NKAIN2: variants seen among roughly 807,000 people sequenced by gnomAD.
The protein encoded by NKAIN2 is sodium/potassium-transporting ATPase subunit beta-1-interacting protein 2.
In NKAIN2, 14 loss-of-function variants were observed where a neutral mutation model predicts 32.6. The observed-to-expected ratio is 0.43, with a 90% CI of 0.28 to 0.67. NKAIN2 has a LOEUF of 0.67. Ranked by LOEUF, NKAIN2 falls within the 30% of genes least tolerant of loss-of-function variation. The pLI is 0.17. For synonymous variants in NKAIN2, 80 were observed against 87.2 expected (o/e 0.92, Z 0.46); for missense variants, 198 against 258.3 (o/e 0.77, Z 1.60).
At chr6:123,935,022 A>G (rs1233575387) in intron 1 of NKAIN2, among the ~76,000 whole-genome samples, 1 of 148,602 alleles carries the variant, frequency 6.7e-6, no homozygotes, top group African/African-American at 2.4e-5. Flanking sequence ...CTTAATTTGG[A>G]GCCAGAAAGA....
chr6:123,812,384 G>T (rs1055412981), intron 1 of NKAIN2, among the ~76,000 whole-genome samples: 1 of 152,148 alleles, frequency 6.6e-6, no homozygotes, highest in African/African-American at 2.4e-5. Flanking sequence ...AGATATTTAA[G>T]AATATAGAAT....
rs142610872 is a variant in NKAIN2, at chr6:124,680,520, A to C, written c.474+22134A>C. ...ACCTAGGAACTGGCATAAATGTCAG[A>C]GTTCCTACATACAGGAACCAAAGTC... On this transcript the variant is annotated intron_variant, in intron 4 of 6. Coordinates refer to ENST00000368417, the MANE Select transcript of NKAIN2 (RefSeq NM_001040214.3). 2.4e-3 allele frequency among the ~76,000 whole-genome samples: 370 copies of C among 152,248 alleles called. 3 individuals are homozygous for C. Among genetic ancestry groups the C allele is most frequent in the African/African-American group, 8.3e-3 (345 of 41,576 alleles).
intron 5 of NKAIN2, among the ~76,000 whole-genome samples, chr6:124,803,956 TG>T (rs1323624466): frequency 3.3e-5 from 5 of 152,218 alleles, no homozygotes; most frequent in Non-Finnish European, 7.3e-5. Context: ...ATATGACACC[TG>T]ATTCTCTCAA....
chr6:124,156,710 A>G (rs933110564), intron 1 of NKAIN2, among the ~76,000 whole-genome samples: 15 of 152,132 alleles, frequency 9.9e-5, no homozygotes, highest in Middle Eastern at 3.2e-3. Flanking sequence ...CTCGCTTTAT[A>G]TTTTTAAACA....
At chr6:124,267,712 G>A (rs1199083402) in intron 1 of NKAIN2, among the ~76,000 whole-genome samples, 1 of 152,148 alleles carries the variant, frequency 6.6e-6, no homozygotes, top group Non-Finnish European at 1.5e-5. Context: ...TTTTAAAGCA[G>A]TGATAGATAC....
chr6:124,326,799 T>C (rs763177054), intron 2 of NKAIN2, among the ~76,000 whole-genome samples: 4 of 152,168 alleles, frequency 2.6e-5, no homozygotes, highest in Non-Finnish European at 4.4e-5. Flanking sequence ...TCACATACAA[T>C]ATTTTTGTTT....
chr6:123,834,195 C>T (rs1261286617), intron 1 of NKAIN2, among the ~76,000 whole-genome samples: 1 of 152,122 alleles, frequency 6.6e-6, no homozygotes, highest in Non-Finnish European at 1.5e-5. Flanking sequence ...TGCTCTGTTG[C>T]CCAGGCTGGC....
chr6:124,468,598 G>A (rs1776853015), intron 3 of NKAIN2, among the ~76,000 whole-genome samples: 1 of 152,080 alleles, frequency 6.6e-6, no homozygotes, highest in Admixed American at 6.6e-5. Context: ...CTCATAGGAT[G>A]CACATATATT....
intron 3 of NKAIN2, among the ~76,000 whole-genome samples, chr6:124,414,954 T>C (rs999013620): frequency 2.0e-5 from 3 of 151,022 alleles, no homozygotes; most frequent in Non-Finnish European, 4.4e-5. Flanking sequence ...TAAAAAAGAA[T>C]CATCTTGAGG....
At chr6:124,363,869 C>T (rs1204994226) in intron 3 of NKAIN2, among the ~76,000 whole-genome samples, 1 of 151,740 alleles carries the variant, frequency 6.6e-6, no homozygotes, top group Non-Finnish European at 1.5e-5. Flanking sequence ...ATTACAGATG[C>T]TAAAAGAAAG....
At chr6:123,956,431 C>T (rs1048562892) in intron 1 of NKAIN2, among the ~76,000 whole-genome samples, 12 of 152,110 alleles carry the variant, frequency 7.9e-5, no homozygotes, top group Non-Finnish European at 1.3e-4. Flanking sequence ...GAAACACCAG[C>T]GCACACTCTC....
intron 1 of NKAIN2, among the ~76,000 whole-genome samples, chr6:123,919,800 T>G (rs1476534318): frequency 6.6e-6 from 1 of 152,114 alleles, no homozygotes; most frequent in Non-Finnish European, 1.5e-5. Flanking sequence ...TTCATTTCAA[T>G]GGCAGCCATG....
intron 1 of NKAIN2, among the ~76,000 whole-genome samples, chr6:124,065,959 T>C (rs1783152571): frequency 6.6e-6 from 1 of 152,178 alleles, no homozygotes; most frequent in South Asian, 2.1e-4. Flanking sequence ...TATACATAAC[T>C]GCATTTCTCA....
intron 4 of NKAIN2, among the ~76,000 whole-genome samples, chr6:124,741,375 T>C (rs1777201978): frequency 6.6e-6 from 1 of 151,868 alleles, no homozygotes; most frequent in Non-Finnish European, 1.5e-5. Flanking sequence ...TCAATGAATA[T>C]TCATTTGAAA....
At chr6:124,316,074 A>G (rs1348981055) in intron 2 of NKAIN2, among the ~76,000 whole-genome samples, 2 of 152,118 alleles carry the variant, frequency 1.3e-5, no homozygotes, top group Non-Finnish European at 2.9e-5. Flanking sequence ...GTAGCACAGT[A>G]GGGTGACTAG....
In NKAIN2 at chr6:124,277,968, T is replaced by G. The variant is rs149135205; in HGVS notation, c.55-5037T>G. ...TATAAGTTTTATTTTATATTATTTGTTTCAATATCAGGTTAAGTTTTAAGG... is the reference window on the plus strand; with the variant it reads ...TATAAGTTTTATTTTATATTATTTGGTTCAATATCAGGTTAAGTTTTAAGG... On this transcript the variant is annotated intron_variant, in intron 1 of 6. Coordinates refer to ENST00000368417, the MANE Select transcript of NKAIN2 (RefSeq NM_001040214.3). Among the ~76,000 whole-genome samples, 397 of 152,160 alleles carry G rather than the reference T, an allele frequency of 2.6e-3. 2 individuals carry two copies. Among genetic ancestry groups the G allele is most frequent in the African/African-American group, 9.0e-3 (374 of 41,502 alleles).
At chr6:124,183,404 G>A (rs1789548459) in intron 1 of NKAIN2, among the ~76,000 whole-genome samples, 1 of 152,006 alleles carries the variant, frequency 6.6e-6, no homozygotes, top group Admixed American at 6.6e-5. Context: ...TCAAAATCAT[G>A]ATCAGTCTGT....
chr6:124,780,712 C>T (rs1488933507), intron 4 of NKAIN2, among the ~76,000 whole-genome samples: 1 of 152,172 alleles, frequency 6.6e-6, no homozygotes, highest in African/African-American at 2.4e-5. Context: ...TCATCCCATC[C>T]ATCTGACTCT....
intron 1 of NKAIN2, among the ~76,000 whole-genome samples, chr6:123,822,988 A>T (rs906131086): frequency 7.4e-6 from 1 of 135,930 alleles, no homozygotes; most frequent in Non-Finnish European, 1.5e-5. Flanking sequence ...ACGTACAGCC[A>T]GGATAAATTC....
Sources: allele counts gnomAD v4.1 joint callset (sites outside exome capture counted in the v4.1 genomes callset), GRCh38; gene constraint gnomAD v4.1.1; transcripts MANE v1.5; gene names NCBI Gene and HGNC (gene_info 2026-07-23, HGNC 2026-07-21).